ANXA10: variants seen among roughly 807,000 people sequenced by gnomAD.
ANXA10 encodes the protein annexin A10.
ANXA10 carries 49 observed loss-of-function variants against 53.5 expected under a neutral mutation model. The ratio of observed to expected loss-of-function variants is 0.92; its 90% confidence interval spans 0.73 to 1.16. ANXA10 has a LOEUF of 1.16. Ranked by LOEUF, ANXA10 falls within the 50% of genes most tolerant of loss-of-function variation. The pLI, the probability that ANXA10 is intolerant of heterozygous loss-of-function variation, is 0.00. For synonymous variants in ANXA10, 131 were observed against 128.9 expected (o/e 1.02, Z -0.11); for missense variants, 393 against 394.4 (o/e 1.00, Z 0.03).
chr4:168,145,367 T>C (rs1731390275), intron 3 of ANXA10, among the ~76,000 whole-genome samples: 1 of 152,222 alleles, frequency 6.6e-6, no homozygotes, highest in Admixed American at 6.5e-5. Context: ...TGTAGCTAAT[T>C]TGTTAGTCTT....
chr4:168,162,182 C>T (rs1731796367), intron 3 of ANXA10, among the ~76,000 whole-genome samples: 1 of 152,064 alleles, frequency 6.6e-6, no homozygotes, highest in South Asian at 2.1e-4. Context: ...AGTAATTCCA[C>T]AAGAAAACTA....
chr4:168,164,882 T>G (rs921407632), intron 5 of ANXA10, among the ~76,000 whole-genome samples: 7 of 152,182 alleles, frequency 4.6e-5, no homozygotes, highest in African/African-American at 1.7e-4. Context: ...CTGAAGGGAA[T>G]GAAGTCAGAA....
At chr4:168,147,979 G>A (rs1731432142) in intron 3 of ANXA10, among the ~76,000 whole-genome samples, 2 of 152,146 alleles carry the variant, frequency 1.3e-5, no homozygotes, top group Admixed American at 6.5e-5. Context: ...CAGTGGCTGT[G>A]CACACCTCAA....
At chr4:168,180,862 T>A (rs969541241) in intron 9 of ANXA10, among the ~76,000 whole-genome samples, 7 of 152,356 alleles carry the variant, frequency 4.6e-5, no homozygotes, top group Admixed American at 4.6e-4. Context: ...AGGTAACTGT[T>A]GACCAGGCTC....
Position 168,177,999 on chromosome 4 carries a change from G to A in ANXA10, c.628+16G>A, listed in dbSNP as rs750195432. 76 of 1,610,132 alleles carry A rather than the reference G, an allele frequency of 4.7e-5. 1 individual carries two copies. In the South Asian group the frequency reaches 8.4e-4, roughly 18 times the overall value. On this transcript the variant is annotated intron_variant, in intron 8 of 11. Coordinates refer to ENST00000359299, the MANE Select transcript of ANXA10 (RefSeq NM_007193.5). ...CTGCGGCTGGGTAATTATTAACTGG[G>A]TTTCGTTCCAGCTACTTGACCAATT...
rs563060505 is a variant in ANXA10, at chr4:168,136,221, C to G, written c.101-3265C>G. Reference sequence around the variant, plus strand: ...TTTGCAAAGAGACACAAATCCAAACCATATGATTCTGCCCCTGTCCCCCCA... The same window carrying G: ...TTTGCAAAGAGACACAAATCCAAACGATATGATTCTGCCCCTGTCCCCCCA... On this transcript the variant is annotated intron_variant, in intron 2 of 11. Transcript: ENST00000359299. Among the ~76,000 whole-genome samples the G allele has an allele frequency of 1.2e-4, 19 of 152,230 alleles. No individual in the cohort carries two copies. The South Asian group carries it at 2.3e-3, about 18-fold the overall frequency.
chr4:168,128,124 T>C lies in ANXA10; in HGVS notation c.59T>C (p.Ile20Thr). 1.2e-6 allele frequency: 2 copies of C among 1,613,618 alleles called. No individual in the cohort carries two copies. Among genetic ancestry groups the C allele is most frequent in the Non-Finnish European group, 1.7e-6 (2 of 1,179,738 alleles). Residue 20 changes from isoleucine (I) to threonine (T), a missense_variant, in exon 2 of 12, where the codon ATA (isoleucine) becomes ACA (threonine). Transcript: ENST00000359299. ...TTCCCAGCTCCCAATTTCAATCCCA[T>C]AATGGATGCCCAAATGCTAGGAGGA... ...TIFPAPNFNP[I>T]MDAQMLGGAL...
At chr4:168,115,301 C>T (rs1312837326) in intron 1 of ANXA10, among the ~76,000 whole-genome samples, 1 of 152,030 alleles carries the variant, frequency 6.6e-6, no homozygotes, top group Non-Finnish European at 1.5e-5. Flanking sequence ...CCCAAAATAC[C>T]ACCAACTAAA....
At chr4:168,184,093 T>C (rs975335471) in intron 10 of ANXA10, among the ~76,000 whole-genome samples, 3 of 152,210 alleles carry the variant, frequency 2.0e-5, no homozygotes, top group African/African-American at 7.2e-5. Context: ...AATTAAAATG[T>C]TACTGCTGTC....
intron 1 of ANXA10, among the ~76,000 whole-genome samples, chr4:168,120,612 C>CTTGT (rs1730969647): frequency 6.6e-6 from 1 of 151,922 alleles, no homozygotes; most frequent in Admixed American, 6.6e-5. Flanking sequence ...AATAAAATAC[C>CTTGT]TAACAACGTT....
intron 1 of ANXA10, among the ~76,000 whole-genome samples, chr4:168,101,510 G>A (rs1252957643): frequency 7.3e-6 from 1 of 136,592 alleles, no homozygotes; most frequent in African/African-American, 2.7e-5. Context: ...GGGGGGGAAG[G>A]GGACGGGGGG....
chr4:168,118,957 C>A (rs1043814847), intron 1 of ANXA10, among the ~76,000 whole-genome samples: 1 of 151,878 alleles, frequency 6.6e-6, no homozygotes, highest in Non-Finnish European at 1.5e-5. Context: ...TAATCAAATG[C>A]ACAAATATTT....
intron 1 of ANXA10, chr4:168,113,226 C>G (rs187064811): frequency 6.6e-6 from 1 of 152,634 alleles, no homozygotes; most frequent in East Asian, 1.9e-4. Context: ...TTTATGTTCT[C>G]ACGGTTCTGG....
rs567506101 is a variant in ANXA10 at position 168,127,953 on chromosome 4, A to C, written c.19-131A>C. ...TGGCCAGGTTGGTCTTCAACTCCTG[A>C]CTTCAGGTGATCCACCCACCTCTGC... On this transcript the variant is annotated intron_variant, in intron 1 of 11. Coordinates refer to ENST00000359299, the MANE Select transcript of ANXA10 (RefSeq NM_007193.5). 71 of 722,488 alleles carry C rather than the reference A, an allele frequency of 9.8e-5. No homozygotes were observed. The African/African-American group carries it at 1.1e-3, about 12-fold the overall frequency. The allele number at this position is 722,488 out of a possible 1,614,324, so 44.8% of individuals were successfully genotyped here. A position where few individuals can be genotyped will look rare whatever the true frequency, so the allele number is the denominator to read the frequency against.
At chr4:168,161,808 T>G (rs1731789040) in intron 3 of ANXA10, among the ~76,000 whole-genome samples, 1 of 152,188 alleles carries the variant, frequency 6.6e-6, no homozygotes, top group Admixed American at 6.5e-5. Context: ...CCTAGGTATT[T>G]TATTCCTTTT....
intron 3 of ANXA10, among the ~76,000 whole-genome samples, chr4:168,155,504 T>A (rs867324681): frequency 4.1e-3 from 85 of 20,888 alleles, no homozygotes; most frequent in African/African-American, 0.025. Flanking sequence ...TATAATTATA[T>A]ATTATAAAAT....
chr4:168,185,809 A>G (rs1199405361), intron 11 of ANXA10, among the ~76,000 whole-genome samples: 1 of 152,228 alleles, frequency 6.6e-6, no homozygotes. Flanking sequence ...GAAATTTGTA[A>G]TTCCAAGAAG....
At chr4:168,123,738 T>C (rs541152104) in intron 1 of ANXA10, among the ~76,000 whole-genome samples, 1 of 152,296 alleles carries the variant, frequency 6.6e-6, no homozygotes, top group South Asian at 2.1e-4. Flanking sequence ...ATTGTCAGCA[T>C]GTTATTTTTT....
intron 11 of ANXA10, 39 bp from the exon 12 acceptor site, chr4:168,187,327 T>C (rs1251196580): frequency 2.2e-6 from 3 of 1,334,022 alleles, no homozygotes; most frequent in Non-Finnish European, 3.1e-6. Flanking sequence ...AGAACTATTA[T>C]GATATTTTAT....
Sources: allele counts gnomAD v4.1 joint callset (sites outside exome capture counted in the v4.1 genomes callset), GRCh38; gene constraint gnomAD v4.1.1; transcripts MANE v1.5; gene names NCBI Gene and HGNC (gene_info 2026-07-23, HGNC 2026-07-21).